ORC5: variants seen among roughly 807,000 people sequenced by gnomAD.
ORC5 encodes protein phosphatase 1, regulatory subunit 117.
In ORC5, 39 loss-of-function variants were observed where a neutral mutation model predicts 58.8. The observed-to-expected ratio is 0.66, with a 90% CI of 0.51 to 0.87. ORC5 has a LOEUF of 0.87. ORC5 is among the 40% of genes least tolerant of loss of function. The pLI is 0.00. For missense variants in ORC5, 493 were observed against 506.3 expected (o/e 0.97, Z 0.25); for synonymous variants, 218 against 177.6 (o/e 1.23, Z -1.81).
intron 12 of ORC5, among the ~76,000 whole-genome samples, chr7:104,155,226 G>A (rs1217199082): frequency 1.3e-5 from 2 of 151,672 alleles, no homozygotes; most frequent in African/African-American, 4.8e-5. Context: ...GAGTTCATAA[G>A]CAGAGAAGGT....
chr7:104,169,538 T>C (rs1405709452), intron 8 of ORC5, among the ~76,000 whole-genome samples: 3 of 152,050 alleles, frequency 2.0e-5, no homozygotes, highest in African/African-American at 7.3e-5. Context: ...GGCAGTTTGA[T>C]GCAAAGGTGC....
chr7:104,177,275 A>G (rs1295084046), intron 8 of ORC5, among the ~76,000 whole-genome samples: 1 of 152,244 alleles, frequency 6.6e-6, no homozygotes, highest in Non-Finnish European at 1.5e-5. Flanking sequence ...ATAAGAAAAA[A>G]TACTGAAATA....
intron 8 of ORC5, among the ~76,000 whole-genome samples, chr7:104,177,265 A>G (rs971396855): frequency 1.3e-5 from 2 of 152,238 alleles, no homozygotes; most frequent in Non-Finnish European, 2.9e-5. Context: ...TCACTTCCAA[A>G]TAAGAAAAAA....
chr7:104,164,802 C>T (rs925246085), intron 11 of ORC5, among the ~76,000 whole-genome samples: 86 of 152,270 alleles, frequency 5.6e-4, no homozygotes, highest in African/African-American at 2.0e-3. Context: ...TAGGTTTTAG[C>T]GTTTTCTCTA....
At chr7:104,142,144 T>C (rs1338852309) in intron 12 of ORC5, among the ~76,000 whole-genome samples, 3 of 152,150 alleles carry the variant, frequency 2.0e-5, no homozygotes, top group African/African-American at 7.2e-5. Flanking sequence ...GGGAAAAGGA[T>C]AGTCTCTTCA....
intron 12 of ORC5, among the ~76,000 whole-genome samples, chr7:104,158,583 A>C (rs1316166165): frequency 6.6e-6 from 1 of 152,052 alleles, no homozygotes; most frequent in East Asian, 1.9e-4. Context: ...CTCATCTAAC[A>C]AAGGGCTAAT....
At chr7:104,161,601 G>A (rs1799023353) in intron 11 of ORC5, among the ~76,000 whole-genome samples, 2 of 152,008 alleles carry the variant, frequency 1.3e-5, no homozygotes, top group Admixed American at 6.6e-5. Context: ...TTAAACTCCT[G>A]GCCTCAAGCA....
intron 8 of ORC5, among the ~76,000 whole-genome samples, chr7:104,170,604 C>T (rs1402637857): frequency 6.6e-6 from 1 of 152,228 alleles, no homozygotes; most frequent in Non-Finnish European, 1.5e-5. Context: ...CTGTTTTAGA[C>T]TTCTGACATA....
chr7:104,175,196 A>C (rs1288151429), intron 8 of ORC5, among the ~76,000 whole-genome samples: 2 of 152,262 alleles, frequency 1.3e-5, no homozygotes, highest in African/African-American at 4.8e-5. Context: ...GCCCAAACGG[A>C]TTTGCCGCTG....
At chr7:104,165,338 A>G (rs1362955950) in intron 10 of ORC5, 56 bp from the exon 11 acceptor site, 18 of 996,950 alleles carry the variant, frequency 1.8e-5, no homozygotes. Context: ...ACAAAACCAG[A>G]AAACGTTATT....
intron 8 of ORC5, among the ~76,000 whole-genome samples, chr7:104,172,611 T>C (rs542412181): frequency 1.1e-4 from 16 of 152,236 alleles, no homozygotes; most frequent in Non-Finnish European, 1.8e-4. Flanking sequence ...GTTTCCTATA[T>C]TGATTTGTAA....
intron 1 of ORC5, among the ~76,000 whole-genome samples, chr7:104,204,494 C>T (rs1461909128): frequency 1.3e-5 from 2 of 152,102 alleles, no homozygotes; most frequent in Admixed American, 1.3e-4. Context: ...TATTATCGTA[C>T]AGGTTTACAT....
rs533065863 is a variant in ORC5, at chr7:104,138,722, G to T, written c.1150-1829C>A. 6.6e-6 allele frequency among the ~76,000 whole-genome samples: 1 copy of T among 152,202 alleles called. No homozygotes were observed. Among genetic ancestry groups the T allele is most frequent in the East Asian group, 1.9e-4 (1 of 5,182 alleles). On this transcript the variant is annotated intron_variant, in intron 12 of 13. Transcript: ENST00000297431. This position sits in a 1 kb window ranked among gnomAD's most constrained non-coding sequence, Gnocchi z 4.7. ...ACATGGGGTTTTGCCATGTTGTCCAGGCTGCTCTTGAGCTCCTGGGCTCAA... is the reference window on the plus strand; with the variant it reads ...ACATGGGGTTTTGCCATGTTGTCCATGCTGCTCTTGAGCTCCTGGGCTCAA...
chr7:104,150,688 C>A (rs1008932488), intron 12 of ORC5, among the ~76,000 whole-genome samples: 18 of 152,152 alleles, frequency 1.2e-4, no homozygotes, highest in African/African-American at 4.3e-4. Flanking sequence ...GCCTGCAAAT[C>A]TTTAGCAACC....
intron 8 of ORC5, among the ~76,000 whole-genome samples, chr7:104,173,113 C>A (rs1402584632): frequency 2.0e-5 from 3 of 152,040 alleles, no homozygotes; most frequent in Non-Finnish European, 4.4e-5. Context: ...GATAAAAGAA[C>A]CATCACAAAA....
intron 8 of ORC5, 49 bp from the exon 9 acceptor site, chr7:104,168,574 A>C: frequency 8.0e-7 from 1 of 1,250,366 alleles, no homozygotes; most frequent in Non-Finnish European, 1.1e-6. Flanking sequence ...AATAAAATCA[A>C]TATGGTGTAC....
At chr7:104,156,710 T>G (rs193172074) in intron 12 of ORC5, among the ~76,000 whole-genome samples, 1 of 151,796 alleles carries the variant, frequency 6.6e-6, no homozygotes, top group Non-Finnish European at 1.5e-5. Flanking sequence ...TAATACATGA[T>G]CATCTCATAT....
At position 104,184,771 on chromosome 7, in the gene ORC5, C is replaced by G. The variant is rs985628887; in HGVS notation, c.685-600G>C. ...AAACAGGCTTTCTCTGATCACCCCC[C>G]ACCTTGGATCTAGGAAAGATTAACT... On this transcript the variant is annotated intron_variant, in intron 6 of 13. Transcript: ENST00000297431. Among the ~76,000 whole-genome samples the G allele has an allele frequency of 2.0e-5, 3 of 152,168 alleles. 1 individual carries two copies. The East Asian group carries it at 5.8e-4, about 29-fold the overall frequency.
chr7:104,169,012 G>A (rs890403261), intron 8 of ORC5, among the ~76,000 whole-genome samples: 3 of 152,294 alleles, frequency 2.0e-5, no homozygotes, highest in Admixed American at 6.5e-5. Context: ...AACCTGGGAG[G>A]TGGACGTTGC....
Sources: gnomAD v4.1 joint callset for allele counts (sites outside exome capture counted in the v4.1 genomes callset) on GRCh38, gnomAD v4.1.1 for gene constraint, Gnocchi (gnomAD v3.1) non-coding constraint, MANE v1.5 for transcripts, NCBI Gene and HGNC (gene_info 2026-07-23, HGNC 2026-07-21) for gene names.